ANO4: variants seen among roughly 807,000 people sequenced by gnomAD.
ANO4 encodes anoctamin-4.
In ANO4, 69 loss-of-function variants were observed where a neutral mutation model predicts 141.9. The ratio of observed to expected loss-of-function variants is 0.49; its 90% CI spans 0.40 to 0.59. The LOEUF (loss-of-function observed/expected upper bound fraction) is 0.59, where lower values mean the gene tolerates loss of function less well. Among genes scored for constraint, ANO4 ranks in the 20% least tolerant of loss-of-function variants. The probability of loss-of-function intolerance (pLI) is 0.00; values close to 1 mark genes in which losing one functional copy is unlikely to be tolerated. For synonymous variants in ANO4, 350 were observed against 394.3 expected, an observed-to-expected ratio of 0.89 and a Z score of 1.33; for missense variants, 894 against 1,162.2, an observed-to-expected ratio of 0.77 and a Z score of 3.36.
chr12:101,008,425 C>T (rs1030324097), intron 8 of ANO4, among the ~76,000 whole-genome samples: 1 of 152,086 alleles, frequency 6.6e-6, no homozygotes, highest in Non-Finnish European at 1.5e-5. Context: ...ATTACTTCCC[C>T]CATAGAGAAT....
At chr12:100,888,728 G>A (rs565740097) in intron 1 of ANO4, among the ~76,000 whole-genome samples, 2 of 152,296 alleles carry the variant, frequency 1.3e-5, no homozygotes, top group South Asian at 2.1e-4. Flanking sequence ...CCCACAAAAC[G>A]TCACCAGCAC....
intron 1 of ANO4, among the ~76,000 whole-genome samples, chr12:100,728,015 G>A (rs2031210460): frequency 6.6e-6 from 1 of 151,880 alleles, no homozygotes; most frequent in African/African-American, 2.4e-5. Flanking sequence ...CCCAGCTCCT[G>A]GCTTGTATTC....
At chr12:100,733,224 A>G (rs1453589442) in intron 1 of ANO4, among the ~76,000 whole-genome samples, 1 of 152,114 alleles carries the variant, frequency 6.6e-6, no homozygotes, top group Non-Finnish European at 1.5e-5. Context: ...GCTGCTGCTC[A>G]TCTCTCCTTC....
intron 5 of ANO4, among the ~76,000 whole-genome samples, chr12:100,959,892 T>C (rs962623728): frequency 1.3e-5 from 2 of 152,194 alleles, no homozygotes; most frequent in African/African-American, 4.8e-5. Context: ...CTTCTGCCTG[T>C]CACTCGAGGC....
chr12:100,768,198 A>G (rs2033164149), intron 3 of ANO4, among the ~76,000 whole-genome samples: 1 of 152,196 alleles, frequency 6.6e-6, no homozygotes, highest in Non-Finnish European at 1.5e-5. Flanking sequence ...GCCTGGTGCC[A>G]GGTTTCACTG....
intron 3 of ANO4, among the ~76,000 whole-genome samples, chr12:100,777,310 G>A (rs1348531147): frequency 7.1e-6 from 1 of 140,904 alleles, no homozygotes; most frequent in Non-Finnish European, 1.5e-5. Context: ...GTAGAGATGG[G>A]GTTTTGCCAT....
At chr12:100,960,779 C>T (rs2043385996) in intron 5 of ANO4, among the ~76,000 whole-genome samples, 1 of 152,128 alleles carries the variant, frequency 6.6e-6, no homozygotes. Context: ...TGGGTCATAG[C>T]TGTGAATGGC....
At chr12:100,919,636 T>A (rs774544445) in intron 2 of ANO4, among the ~76,000 whole-genome samples, 23 of 151,818 alleles carry the variant, frequency 1.5e-4, no homozygotes, top group Middle Eastern at 3.4e-3. Flanking sequence ...TATCCCATCC[T>A]TAAGTGAGAC....
intron 23 of ANO4, 96 bp downstream of exon 23, chr12:101,110,652 C>A: frequency 8.9e-7 from 1 of 1,127,650 alleles, no homozygotes; most frequent in Non-Finnish European, 1.2e-6. Context: ...ATTATGTTTT[C>A]CATTTAATAT....
intron 26 of ANO4, among the ~76,000 whole-genome samples, chr12:101,122,520 TTACA>T (rs1340130606): frequency 6.6e-6 from 1 of 152,228 alleles, no homozygotes; most frequent in Non-Finnish European, 1.5e-5. Context: ...AGTTGAGGTC[TTACA>T]TGTAAGTCTT....
At chr12:101,124,724 G>T (rs1343028537) in intron 26 of ANO4, among the ~76,000 whole-genome samples, 19 of 152,098 alleles carry the variant, frequency 1.2e-4, no homozygotes, top group Non-Finnish European at 2.5e-4. Flanking sequence ...TATTAAGTAG[G>T]GAATCCTTTC....
At chr12:100,964,360 AT>A (rs1413167164) in intron 5 of ANO4, among the ~76,000 whole-genome samples, 1 of 152,166 alleles carries the variant, frequency 6.6e-6, no homozygotes, top group African/African-American at 2.4e-5. Flanking sequence ...TGCTGTGAAA[AT>A]TGAATGATTT....
intron 3 of ANO4, among the ~76,000 whole-genome samples, chr12:100,768,940 T>C (rs1033381589): frequency 7.2e-5 from 11 of 152,214 alleles, no homozygotes; most frequent in African/African-American, 2.7e-4. Context: ...TTAGCAGATA[T>C]TAAAAATGTC....
intron 14 of ANO4, among the ~76,000 whole-genome samples, chr12:101,052,660 T>C (rs1566179771): frequency 1.3e-5 from 2 of 152,224 alleles, no homozygotes; most frequent in Non-Finnish European, 2.9e-5. Flanking sequence ...TTTAAAAAAA[T>C]AAATTTTGCA....
chr12:100,896,899 TA>T (rs2040379143), intron 1 of ANO4, among the ~76,000 whole-genome samples: 1 of 152,222 alleles, frequency 6.6e-6, no homozygotes, highest in African/African-American at 2.4e-5. Context: ...GACATTGCCA[TA>T]AGCACTCTGC....
At chr12:100,901,936 G>A in intron 2 of ANO4, 96 bp downstream of exon 2, 11 of 1,225,022 alleles carry the variant, frequency 9.0e-6, no homozygotes, top group Non-Finnish European at 1.1e-5. Flanking sequence ...CATACTTTCA[G>A]CTAAGCTTGC....
intron 8 of ANO4, among the ~76,000 whole-genome samples, chr12:101,018,612 G>A (rs1327460790): frequency 2.0e-5 from 3 of 152,056 alleles, no homozygotes; most frequent in Admixed American, 6.6e-5. Context: ...AACAACTCCT[G>A]AGAATTCATT....
intron 8 of ANO4, among the ~76,000 whole-genome samples, chr12:100,991,513 T>TAAAAAA (rs59975425): frequency 1.5e-4 from 17 of 111,130 alleles, no homozygotes; most frequent in Admixed American, 3.0e-4. Context: ...ATGAAAATAG[T>TAAAAAA]AAAAAAAAAA....
intron 8 of ANO4, among the ~76,000 whole-genome samples, chr12:101,019,829 C>T (rs928609224): frequency 4.6e-5 from 7 of 152,302 alleles, no homozygotes; most frequent in African/African-American, 1.7e-4. Context: ...CTAGCATGAA[C>T]GATGTTGATG....
Sources: gnomAD v4.1 joint callset for allele counts (sites outside exome capture counted in the v4.1 genomes callset) on GRCh38, gnomAD v4.1.1 for gene constraint, MANE v1.5 for transcripts, NCBI Gene and HGNC (gene_info 2026-07-23, HGNC 2026-07-21) for gene names.